RASGRF1: variants seen among roughly 807,000 people sequenced by gnomAD.
The protein encoded by RASGRF1 is Ras protein specific guanine nucleotide releasing factor 1, also known as ras-specific guanine nucleotide-releasing factor 1.
In RASGRF1, 40 loss-of-function variants were observed where a neutral mutation model predicts 138.7. The observed-to-expected ratio is 0.29, with a 90% confidence interval of 0.22 to 0.38. The LOEUF (loss-of-function observed/expected upper bound fraction) is 0.38. Ranked by LOEUF, RASGRF1 falls within the 10% of genes least tolerant of loss-of-function variation. The pLI is 1.00. For synonymous variants in RASGRF1, 614 were observed against 663.2 expected (o/e 0.93, Z 1.14); for missense variants, 1,108 against 1,650.4 (o/e 0.67, Z 5.69).
intron 14 of RASGRF1, chr15:79,005,295 T>A (rs1555455036): frequency 2.0e-6 from 2 of 985,706 alleles, no homozygotes; most frequent in Non-Finnish European, 2.4e-6. Context: ...ATGGTGAGGT[T>A]CCTGGGGAGC....
intron 14 of RASGRF1, chr15:79,005,070 G>C (rs993702289): frequency 2.3e-5 from 23 of 985,396 alleles, no homozygotes; most frequent in East Asian, 1.1e-4. Context: ...TGACTTTTAG[G>C]GGGTAAATCC....
At chr15:78,969,245 CACT>C (rs926617965) in intron 26 of RASGRF1, among the ~76,000 whole-genome samples, 1 of 152,182 alleles carries the variant, frequency 6.6e-6, no homozygotes, top group Non-Finnish European at 1.5e-5. Flanking sequence ...ACTAGCACAC[CACT>C]GAGTTACAGA....
intron 19 of RASGRF1, among the ~76,000 whole-genome samples, chr15:78,996,928 C>G (rs907109312): frequency 3.9e-5 from 6 of 152,204 alleles, no homozygotes; most frequent in African/African-American, 2.4e-5. Flanking sequence ...TCTGGGGAGG[C>G]TGGGGCCAGG....
chr15:79,007,658 C>A (rs1356852247), intron 13 of RASGRF1, among the ~76,000 whole-genome samples: 3 of 149,988 alleles, frequency 2.0e-5, no homozygotes, highest in Admixed American at 6.7e-5. Flanking sequence ...CTCAAGTGAT[C>A]CTCCTGCCTT....
chr15:79,074,175 C>T (rs2057799953), intron 1 of RASGRF1, among the ~76,000 whole-genome samples: 1 of 152,220 alleles, frequency 6.6e-6, no homozygotes, highest in Non-Finnish European at 1.5e-5. Context: ...CACTAGCTGC[C>T]TTCTGAATCA....
intron 14 of RASGRF1, chr15:79,005,039 G>T: frequency 3.0e-6 from 3 of 985,516 alleles, no homozygotes; most frequent in Non-Finnish European, 3.6e-6. Flanking sequence ...CTGTCTGCTG[G>T]GCCCCTGGGA....
chr15:79,001,840 T>G (rs1259421406), intron 15 of RASGRF1, 53 bp from the exon 16 acceptor site: 8 of 1,204,888 alleles, frequency 6.6e-6, no homozygotes, highest in Non-Finnish European at 8.7e-6. Flanking sequence ...ATTTTAAAAT[T>G]TAAATATTTG....
At chr15:79,031,976 T>A (rs971070521) in intron 7 of RASGRF1, 147 bp downstream of exon 7, 4 of 991,854 alleles carry the variant, frequency 4.0e-6, no homozygotes, top group South Asian at 3.4e-5. Context: ...GCACCCAGCA[T>A]TGTCGGCTGC....
chr15:78,990,159 A>G lies in RASGRF1; in HGVS notation c.3216+30T>C, dbSNP rs892867948. On this transcript the variant is annotated intron_variant, in intron 22 of 26. Transcript: ENST00000558480. ...GAGCGTCTTGCCAAAGAAAAACCCCAGTGAGAGAGGCGCTCCCATCCATAC... is the reference window on the plus strand; with the variant it reads ...GAGCGTCTTGCCAAAGAAAAACCCCGGTGAGAGAGGCGCTCCCATCCATAC... 3.3e-6 allele frequency: 5 copies of G among 1,514,406 alleles called. No homozygotes were observed. The African/African-American group carries it at 5.5e-5, about 17-fold the overall frequency. The allele number at this position is 1,514,406 out of a possible 1,614,324, so 93.8% of individuals were successfully genotyped here.
chr15:78,991,569 T>A, intron 21 of RASGRF1, 122 bp downstream of exon 21: 1 of 738,864 alleles, frequency 1.4e-6, no homozygotes, highest in Non-Finnish European at 2.3e-6. Context: ...ACCCAGGCAC[T>A]ATTGTTTCAA....
chr15:78,986,890 A>G (rs951167201), intron 22 of RASGRF1, among the ~76,000 whole-genome samples: 10 of 152,218 alleles, frequency 6.6e-5, no homozygotes, highest in South Asian at 2.1e-4. Flanking sequence ...CATGTATTAT[A>G]CCTCTTAATT....
At position 79,029,491 on chromosome 15, in the gene RASGRF1, G is replaced by C. The variant is rs547215083; in HGVS notation, c.1263-1632C>G. Among the ~76,000 whole-genome samples the C allele has an allele frequency of 3.9e-3, 589 of 152,300 alleles. 2 individuals carry two copies. Among genetic ancestry groups the C allele is most frequent in the Non-Finnish European group, 7.0e-3 (473 of 68,024 alleles). On this transcript the variant is annotated intron_variant, in intron 8 of 26. Coordinates refer to ENST00000558480, the MANE Select transcript of RASGRF1 (RefSeq NM_001145648.3). Reference sequence around the variant, plus strand: ...CAGCCCCAGGTGGGGGTCTGTGTTTGGGACCCATATGCGCACACAGCTGGG... The same window carrying C: ...CAGCCCCAGGTGGGGGTCTGTGTTTCGGACCCATATGCGCACACAGCTGGG...
At chr15:79,056,615 G>A (rs971280133) in intron 3 of RASGRF1, among the ~76,000 whole-genome samples, 5 of 152,194 alleles carry the variant, frequency 3.3e-5, no homozygotes, top group Non-Finnish European at 7.3e-5. Context: ...GCAGGTGACT[G>A]ATCCTATCAG....
chr15:78,996,861 G>A (rs763393550), intron 19 of RASGRF1, among the ~76,000 whole-genome samples: 1 of 152,218 alleles, frequency 6.6e-6, no homozygotes, highest in Non-Finnish European at 1.5e-5. Context: ...GGGCCTCCAC[G>A]GCCTGGCTGG....
chr15:79,014,947 A>G lies in RASGRF1; in HGVS notation c.1826+380T>C, dbSNP rs533593224. 1.9e-4 allele frequency among the ~76,000 whole-genome samples: 29 copies of G among 151,402 alleles called. No homozygotes were observed. In the South Asian group the frequency reaches 5.8e-3, roughly 30 times the overall value. ...AACAAAAAACAAAAAACAAAAAACAAAAAACAAACAAAACAAAACAAAACA... is the reference window on the plus strand; with the variant it reads ...AACAAAAAACAAAAAACAAAAAACAGAAAACAAACAAAACAAAACAAAACA... On this transcript the variant is annotated intron_variant, in intron 13 of 26. Coordinates refer to ENST00000558480, the MANE Select transcript of RASGRF1 (RefSeq NM_001145648.3).
chr15:79,019,034 G>C (rs12900613), intron 11 of RASGRF1, among the ~76,000 whole-genome samples: 74,182 of 151,930 alleles, frequency 0.49, 18,779 homozygotes, highest in East Asian at 0.81. Flanking sequence ...GAACCCAGTG[G>C]TAACAGGGGC....
chr15:79,024,102 TACAC>T (rs777295340), intron 10 of RASGRF1, among the ~76,000 whole-genome samples: 5 of 146,636 alleles, frequency 3.4e-5, no homozygotes, highest in East Asian at 2.0e-4. Context: ...CACACATACA[TACAC>T]AGAGACACAT....
intron 5 of RASGRF1, among the ~76,000 whole-genome samples, chr15:79,041,259 C>T (rs1207760781): frequency 3.9e-5 from 6 of 152,172 alleles, no homozygotes. Context: ...ATGGTATGTC[C>T]CACAAAGTCT....
chr15:79,086,221 CT>C (rs1416427098), intron 1 of RASGRF1, among the ~76,000 whole-genome samples: 1 of 152,172 alleles, frequency 6.6e-6, no homozygotes, highest in African/African-American at 2.4e-5. Flanking sequence ...TGTCTAAGGG[CT>C]GCTGCTTTTA....
Sources: allele counts gnomAD v4.1 joint callset (sites outside exome capture counted in the v4.1 genomes callset), GRCh38; gene constraint gnomAD v4.1.1; transcripts MANE v1.5; gene names NCBI Gene and HGNC (gene_info 2026-07-23, HGNC 2026-07-21).